Variants in GUCY2F observed in about 807,000 individuals in gnomAD.
GUCY2F encodes retinal guanylyl cyclase 2.
GUCY2F carries 61 observed loss-of-function variants against 73.1 expected under a neutral mutation model. That is an observed-to-expected ratio of 0.83 (90% CI 0.68 to 1.03). The LOEUF (loss-of-function observed/expected upper bound fraction) is 1.03, where lower values mean the gene tolerates loss of function less well. Ranked by LOEUF, GUCY2F falls within the 50% of genes least tolerant of loss-of-function variation. The pLI, the probability that GUCY2F is intolerant of heterozygous loss-of-function variation, is 0.00. For synonymous variants in GUCY2F, 331 were observed against 307.8 expected (o/e 1.08, Z -0.79); for missense variants, 912 against 854.3 (o/e 1.07, Z -0.84).
chrX:109,456,395 G>C (rs1358484380), intron 3 of GUCY2F, among the ~76,000 whole-genome samples: 1 of 111,790 alleles, frequency 8.9e-6, no homozygotes, highest in African/African-American at 3.2e-5. Context: ...AAAGCAAACA[G>C]AATGCTAGTG....
chrX:109,460,596 G>A (rs1390501081), intron 3 of GUCY2F, among the ~76,000 whole-genome samples: 4 of 111,566 alleles, frequency 3.6e-5, no homozygotes, highest in African/African-American at 6.5e-5. Flanking sequence ...TTTACCTCCT[G>A]TAAAAAGCTA....
At position 109,475,939 on chromosome X, in the gene GUCY2F, C is replaced by A; in HGVS notation, c.-3G>T. On this transcript the variant is annotated 5_prime_UTR_variant, in exon 2 of 20. Coordinates refer to ENST00000218006, the MANE Select transcript of GUCY2F (RefSeq NM_001522.3). Reference sequence around the variant, plus strand: ...AAGCGCCCGAGTCCCAGGAACATAGCCCTCCTGCTTCCAGCAAGCTAATGA... The same window carrying A: ...AAGCGCCCGAGTCCCAGGAACATAGACCTCCTGCTTCCAGCAAGCTAATGA... 1 of 1,192,500 alleles carries A rather than the reference C, an allele frequency of 8.4e-7. No individual in the cohort carries two copies. Among genetic ancestry groups the A allele is most frequent in the Non-Finnish European group, 1.1e-6 (1 of 886,604 alleles).
At chrX:109,373,754 A>T (rs1930111278) in intron 19 of GUCY2F, among the ~76,000 whole-genome samples, 1 of 112,900 alleles carries the variant, frequency 8.9e-6, no homozygotes, top group African/African-American at 3.2e-5. Flanking sequence ...AAGCACATCT[A>T]TGATTAAAAG....
intron 2 of GUCY2F, among the ~76,000 whole-genome samples, chrX:109,468,363 CA>C (rs1187972369): frequency 8.9e-6 from 1 of 112,238 alleles, no homozygotes; most frequent in African/African-American, 3.2e-5. Context: ...ATATTATGCA[CA>C]CAATGAATGT....
intron 16 of GUCY2F, among the ~76,000 whole-genome samples, chrX:109,384,575 T>A (rs867715815): frequency 1.8e-4 from 20 of 112,052 alleles, no homozygotes; most frequent in African/African-American, 6.2e-4. Flanking sequence ...TGATAGTATG[T>A]CTGTTTTGAT....
At chrX:109,439,086 G>A (rs900619831) in intron 7 of GUCY2F, among the ~76,000 whole-genome samples, 6 of 111,977 alleles carry the variant, frequency 5.4e-5, no homozygotes, top group Admixed American at 1.9e-4. Context: ...GGATACTACC[G>A]AGATGTATGG....
intron 6 of GUCY2F, among the ~76,000 whole-genome samples, chrX:109,446,329 C>T (rs1186723578): frequency 9.0e-6 from 1 of 111,654 alleles, no homozygotes; most frequent in Non-Finnish European, 1.9e-5. Context: ...GAATGCTAAG[C>T]CCAAAGAACA....
chrX:109,417,535 A>G (rs1309508867), intron 8 of GUCY2F, among the ~76,000 whole-genome samples: 2 of 111,676 alleles, frequency 1.8e-5, no homozygotes, highest in Admixed American at 9.5e-5. Context: ...TATGAAAAAC[A>G]CTTTTATCCC....
chrX:109,398,414 T>C (rs1241661638), intron 11 of GUCY2F, 135 bp downstream of exon 11: 4 of 579,419 alleles, frequency 6.9e-6, no homozygotes, highest in Non-Finnish European at 1.1e-5. Flanking sequence ...GTCCCACCTG[T>C]ACATAACTTG....
At chrX:109,454,880 A>G (rs763571069) in intron 3 of GUCY2F, among the ~76,000 whole-genome samples, 2 of 111,451 alleles carry the variant, frequency 1.8e-5, no homozygotes, top group African/African-American at 6.5e-5. Context: ...ACTGAGCATC[A>G]GGGAAAGCTG....
intron 2 of GUCY2F, among the ~76,000 whole-genome samples, chrX:109,467,783 C>A (rs1932500194): frequency 8.9e-6 from 1 of 112,553 alleles, no homozygotes; most frequent in African/African-American, 3.2e-5. Context: ...CAGTTAACAT[C>A]ATGTTATTAG....
intron 1 of GUCY2F, 77 bp from the exon 2 acceptor site, chrX:109,476,098 C>CA (rs35170259): frequency 0.23 from 59,176 of 260,852 alleles, 4,156 homozygotes; most frequent in African/African-American, 0.41. Flanking sequence ...GAAAGAATGG[C>CA]AAAAAAAAAA....
At chrX:109,394,084 TCTC>T (rs1220956965) in intron 12 of GUCY2F, among the ~76,000 whole-genome samples, 5 of 111,110 alleles carry the variant, frequency 4.5e-5, no homozygotes, top group East Asian at 2.9e-4. Flanking sequence ...GGAACCTCCC[TCTC>T]CTCCTCCTCC....
At chrX:109,441,769 C>T (rs1490823902) in intron 6 of GUCY2F, among the ~76,000 whole-genome samples, 1 of 109,832 alleles carries the variant, frequency 9.1e-6, no homozygotes, top group East Asian at 2.8e-4. Flanking sequence ...ATAATTTAAT[C>T]TGGGACCCTC....
At chrX:109,383,768 T>G (rs970803719) in intron 16 of GUCY2F, among the ~76,000 whole-genome samples, 4 of 112,334 alleles carry the variant, frequency 3.6e-5, no homozygotes, top group Non-Finnish European at 7.5e-5. Flanking sequence ...AGGTGCTGTC[T>G]ACATCTCAAA....
chrX:109,391,178 C>A (rs969275746), intron 14 of GUCY2F, among the ~76,000 whole-genome samples: 9 of 111,456 alleles, frequency 8.1e-5, no homozygotes, highest in Admixed American at 2.8e-4. Context: ...AGAGACAAGA[C>A]AACATATGTA....
At chrX:109,406,371 G>A (rs1267721744) in intron 9 of GUCY2F, among the ~76,000 whole-genome samples, 3 of 111,735 alleles carry the variant, frequency 2.7e-5, no homozygotes, top group Non-Finnish European at 5.6e-5. Flanking sequence ...AGGAGGTAGG[G>A]CTAAGTAGCA....
chrX:109,415,101 TA>T (rs113343048), intron 8 of GUCY2F, among the ~76,000 whole-genome samples: 8 of 105,044 alleles, frequency 7.6e-5, no homozygotes, highest in Middle Eastern at 4.7e-3. Flanking sequence ...AAAAATATAT[TA>T]AAAAAAAAAC....
intron 2 of GUCY2F, among the ~76,000 whole-genome samples, chrX:109,471,872 T>C (rs1932581459): frequency 1.8e-5 from 2 of 112,243 alleles, no homozygotes; most frequent in African/African-American, 6.5e-5. Context: ...TTGAGATCTA[T>C]GTGCAAATGC....
Sources: allele counts gnomAD v4.1 joint callset (sites outside exome capture counted in the v4.1 genomes callset), GRCh38; gene constraint gnomAD v4.1.1; transcripts MANE v1.5; gene names NCBI Gene and HGNC (gene_info 2026-07-23, HGNC 2026-07-21).